The following PHACTR1 variants were observed in gnomAD, a reference collection of about 807,000 sequenced individuals.
The protein encoded by PHACTR1 is phosphatase and actin regulator 1.
A neutral mutation model predicts 69.2 loss-of-function variants in PHACTR1; 16 were observed. The observed-to-expected ratio is 0.23, with a 90% CI of 0.16 to 0.35. The LOEUF (loss-of-function observed/expected upper bound fraction) is 0.35. Among genes scored for constraint, PHACTR1 ranks in the 10% least tolerant of loss-of-function variants. The probability of loss-of-function intolerance (pLI) is 1.00; values close to 1 mark genes in which losing one functional copy is unlikely to be tolerated. For synonymous variants in PHACTR1, 312 were observed against 284.5 expected, an observed-to-expected ratio of 1.10 and a Z score of -0.97; for missense variants, 510 against 734.7, an observed-to-expected ratio of 0.69 and a Z score of 3.54.
intron 3 of PHACTR1, among the ~76,000 whole-genome samples, chr6:12,733,924 A>G (rs1260927863): frequency 1.3e-5 from 2 of 152,206 alleles, no homozygotes; most frequent in Non-Finnish European, 2.9e-5. Context: ...TGGAAAAGTT[A>G]CTTCTATATC....
chr6:12,735,622 G>A (rs1351099491), intron 3 of PHACTR1, among the ~76,000 whole-genome samples: 2 of 152,352 alleles, frequency 1.3e-5, no homozygotes, highest in Admixed American at 6.5e-5. Context: ...CCATACCAAT[G>A]TTAGGGTAGC....
At chr6:13,232,565 C>T (rs1771384016) in intron 10 of PHACTR1, among the ~76,000 whole-genome samples, 4 of 152,296 alleles carry the variant, frequency 2.6e-5, no homozygotes, top group African/African-American at 9.6e-5. Context: ...TGTTGGAGAG[C>T]CTTATTCTTA....
At chr6:12,929,183 G>A (rs981795669) in intron 4 of PHACTR1, among the ~76,000 whole-genome samples, 6 of 152,180 alleles carry the variant, frequency 3.9e-5, no homozygotes, top group Non-Finnish European at 7.4e-5. Flanking sequence ...GCCTAAAGCT[G>A]GGACCAACTC....
At chr6:12,909,712 T>C (rs934887361) in intron 4 of PHACTR1, among the ~76,000 whole-genome samples, 1 of 152,208 alleles carries the variant, frequency 6.6e-6, no homozygotes, top group African/African-American at 2.4e-5. Context: ...TGAGAGTTCA[T>C]TTGAAACTGG....
chr6:13,206,082 G>A lies in PHACTR1; in HGVS notation c.932G>A (p.Arg311Lys). The change falls in exon 8 of 15, where the codon AGA (arginine) becomes AAA (lysine). Residue 311 changes from arginine (R) to lysine (K), a missense_variant. Around this residue, in one of 2 missense-constraint regions of PHACTR1, gnomAD observed 419 missense variants for 530.9 expected, o/e 0.79. Transcript: ENST00000332995. ...CTCCCCATGCACCCCTCGGGCTGCAGAATGATAGACGAGCTCAACAAAACG... is the reference window on the plus strand; with the variant it reads ...CTCCCCATGCACCCCTCGGGCTGCAAAATGATAGACGAGCTCAACAAAACG... Reference protein sequence around the residue: ...GSLPMHPSGCRMIDELNKTLA... With the variant: ...GSLPMHPSGCKMIDELNKTLA... The A allele has an allele frequency of 1.2e-6, 2 of 1,613,184 alleles. No homozygotes were observed. The highest frequency in any genetic ancestry group is 1.7e-6 in the Non-Finnish European group (2 of 1,179,546).
At chr6:12,738,813 C>T (rs757170635) in intron 3 of PHACTR1, among the ~76,000 whole-genome samples, 12 of 152,056 alleles carry the variant, frequency 7.9e-5, no homozygotes, top group Non-Finnish European at 4.4e-5. Flanking sequence ...TGCAGTGAGC[C>T]GAGATCACGC....
At chr6:13,035,715 G>A (rs9369768) in intron 4 of PHACTR1, among the ~76,000 whole-genome samples, 70,837 of 151,982 alleles carry the variant, frequency 0.47, 19,175 homozygotes, top group East Asian at 0.83. Context: ...ATTGTAAAGT[G>A]ACAAAATTTG....
At chr6:13,286,298 T>A in intron 14 of PHACTR1, 76 bp downstream of exon 14, 9 of 1,242,866 alleles carry the variant, frequency 7.2e-6, no homozygotes, top group Non-Finnish European at 8.9e-6. Context: ...GCTCTCCCAC[T>A]TGTGGGACAT....
chr6:12,768,109 CTTTTTTTTT>C (rs781107897), intron 4 of PHACTR1, among the ~76,000 whole-genome samples: 1 of 107,568 alleles, frequency 9.3e-6, no homozygotes, highest in African/African-American at 3.6e-5. Context: ...CTATCAAATC[CTTTTTTTTT>C]TTTTTTTTTT....
intron 6 of PHACTR1, among the ~76,000 whole-genome samples, chr6:13,168,921 G>A (rs1760209293): frequency 6.6e-6 from 1 of 152,094 alleles, no homozygotes; most frequent in Non-Finnish European, 1.5e-5. Context: ...GAGGTGCTTT[G>A]GGAGGGTTTT....
chr6:12,721,267 C>T (rs1762091517), intron 3 of PHACTR1, among the ~76,000 whole-genome samples: 1 of 152,016 alleles, frequency 6.6e-6, no homozygotes. Context: ...GCCTGTAATC[C>T]CAGCTACTCG....
intron 4 of PHACTR1, among the ~76,000 whole-genome samples, chr6:12,884,326 T>C (rs940594292): frequency 2.6e-5 from 4 of 152,198 alleles, no homozygotes; most frequent in Admixed American, 1.3e-4. Flanking sequence ...AGCACAAACT[T>C]TGGTTGAAGG....
intron 4 of PHACTR1, among the ~76,000 whole-genome samples, chr6:12,956,999 C>T (rs955009058): frequency 1.4e-5 from 2 of 145,276 alleles, no homozygotes; most frequent in Non-Finnish European, 3.0e-5. Context: ...GCAGTCCTTC[C>T]AGGGAAGGTT....
intron 4 of PHACTR1, among the ~76,000 whole-genome samples, chr6:12,760,934 A>AAAAC (rs770514787): frequency 1.3e-4 from 20 of 152,186 alleles, no homozygotes; most frequent in Non-Finnish European, 1.9e-4. Flanking sequence ...ACTCCATCTC[A>AAAAC]AAACAAACAA....
intron 4 of PHACTR1, among the ~76,000 whole-genome samples, chr6:12,958,556 T>C (rs1337012461): frequency 1.3e-5 from 2 of 152,290 alleles, no homozygotes; most frequent in South Asian, 4.1e-4. Context: ...TGCGTGGAGA[T>C]AGAAATCAAT....
intron 4 of PHACTR1, among the ~76,000 whole-genome samples, chr6:12,856,818 A>T (rs895284969): frequency 6.6e-6 from 1 of 152,218 alleles, no homozygotes; most frequent in Non-Finnish European, 1.5e-5. Context: ...TTTTTATTTG[A>T]GAATTAAGCC....
chr6:13,226,739 A>ATT (rs34995550), intron 8 of PHACTR1, among the ~76,000 whole-genome samples: 20 of 141,290 alleles, frequency 1.4e-4, no homozygotes, highest in African/African-American at 5.0e-4. Flanking sequence ...ACTTGTATAG[A>ATT]TTTTTTTTTT....
intron 4 of PHACTR1, among the ~76,000 whole-genome samples, chr6:13,040,997 G>A (rs1462552679): frequency 4.6e-5 from 7 of 152,034 alleles, no homozygotes; most frequent in Non-Finnish European, 1.0e-4. Flanking sequence ...AAGAACTTAA[G>A]GAAAATAATA....
At chr6:13,115,619 A>G (rs1315569865) in intron 5 of PHACTR1, among the ~76,000 whole-genome samples, 1 of 152,192 alleles carries the variant, frequency 6.6e-6, no homozygotes, top group Admixed American at 6.6e-5. Context: ...AGCCACTATC[A>G]AGATGCGTTT....
Sources: gnomAD v4.1 joint callset for allele counts (sites outside exome capture counted in the v4.1 genomes callset) on GRCh38, gnomAD v4.1.1 for gene constraint, gnomAD v4.1.1 regional missense constraint, MANE v1.5 for transcripts, NCBI Gene and HGNC (gene_info 2026-07-23, HGNC 2026-07-21) for gene names.